Variants in MEOX2 observed in about 807,000 individuals in gnomAD.
MEOX2 encodes mesenchyme homeobox 2.
MEOX2 carries 11 observed loss-of-function variants against 27.0 expected under a neutral mutation model. The observed-to-expected ratio is 0.41, with a 90% confidence interval of 0.26 to 0.68. The LOEUF is 0.68. Among genes scored for constraint, MEOX2 ranks in the 30% least tolerant of loss-of-function variants. MEOX2 has a pLI of 0.33. For missense variants in MEOX2, 436 were observed against 385.4 expected (o/e 1.13, Z -1.10); for synonymous variants, 189 against 155.4 (o/e 1.22, Z -1.61).
In MEOX2 at chr7:15,686,552, G is replaced by T; in HGVS notation, c.-150C>A. The T allele has an allele frequency of 1.4e-6, 1 of 717,930 alleles. No homozygotes were observed. Among genetic ancestry groups the T allele is most frequent in the Non-Finnish European group, 2.3e-6 (1 of 441,944 alleles). 44.5% of individuals were successfully genotyped at this position (717,930 alleles called of 1,614,324 possible). A position where few individuals can be genotyped will look rare whatever the true frequency, so the allele number is the denominator to read the frequency against. ...ACTTCTGCAGAGCTCGGATAATCCCGGTCCTGAGCCCCAGCGGCCAGTCTC... is the reference window on the plus strand; with the variant it reads ...ACTTCTGCAGAGCTCGGATAATCCCTGTCCTGAGCCCCAGCGGCCAGTCTC... On this transcript the variant is annotated 5_prime_UTR_variant, in exon 1 of 3. Coordinates refer to ENST00000262041, the MANE Select transcript of MEOX2 (RefSeq NM_005924.5).
Position 15,611,598 on chromosome 7 carries a change from A to T in MEOX2, c.*789T>A, listed in dbSNP as rs1781032307. The T allele has an allele frequency of 6.6e-6, 1 of 152,670 alleles. No individual in the cohort carries two copies. Among genetic ancestry groups the T allele is most frequent in the Non-Finnish European group, 1.5e-5 (1 of 68,044 alleles). The allele number at this position is 152,670 out of a possible 1,614,324, so 9.5% of individuals were successfully genotyped here. On this transcript the variant is annotated 3_prime_UTR_variant, in exon 3 of 3. Transcript: ENST00000262041. ...AGTTTTATAATAACGTATTAGCAGC[A>T]GTTGATAGTAAATGCAACATAAGAT...
chr7:15,650,062 G>T (rs1781712221), intron 1 of MEOX2, among the ~76,000 whole-genome samples: 2 of 152,032 alleles, frequency 1.3e-5, no homozygotes, highest in Admixed American at 6.6e-5. Context: ...ATAAATAGAG[G>T]TGGATCTCAG....
chr7:15,649,452 A>T (rs1456943818), intron 1 of MEOX2, among the ~76,000 whole-genome samples: 2 of 152,090 alleles, frequency 1.3e-5, no homozygotes, highest in East Asian at 3.9e-4. Flanking sequence ...GAAAAATCAC[A>T]TAAATTGAAG....
At chr7:15,620,565 A>T (rs1018741537) in intron 2 of MEOX2, among the ~76,000 whole-genome samples, 2 of 152,020 alleles carry the variant, frequency 1.3e-5, no homozygotes, top group African/African-American at 4.8e-5. Context: ...AAACAACAAC[A>T]ACAACAACAA....
chr7:15,656,171 C>T (rs1781817216), intron 1 of MEOX2, among the ~76,000 whole-genome samples: 1 of 151,692 alleles, frequency 6.6e-6, no homozygotes, highest in African/African-American at 2.4e-5. Flanking sequence ...CTCCTTCCTT[C>T]TTTTGATTAA....
At chr7:15,681,096 T>G (rs982051059) in intron 1 of MEOX2, 2 of 151,804 alleles carry the variant, frequency 1.3e-5, no homozygotes, top group African/African-American at 2.4e-5. Context: ...CAGATATTAT[T>G]TAAGAAATTC....
chr7:15,684,802 T>C (rs184283825), intron 1 of MEOX2, among the ~76,000 whole-genome samples: 1 of 152,364 alleles, frequency 6.6e-6, no homozygotes, highest in Non-Finnish European at 1.5e-5. Flanking sequence ...GGTTGCACTA[T>C]ACCCACGAAA....
intron 1 of MEOX2, among the ~76,000 whole-genome samples, chr7:15,664,278 G>A (rs1403274562): frequency 6.6e-6 from 1 of 152,086 alleles, no homozygotes. Context: ...TCTTCCCTTT[G>A]TGTTGTATTT....
In MEOX2 at chr7:15,670,674, C is replaced by T. The variant is rs1248884555; in HGVS notation, c.517+15212G>A. 3.3e-5 allele frequency among the ~76,000 whole-genome samples: 5 copies of T among 152,142 alleles called. No homozygotes were observed. The East Asian group carries it at 9.6e-4, about 29-fold the overall frequency. On this transcript the variant is annotated intron_variant, in intron 1 of 2. Coordinates refer to ENST00000262041, the MANE Select transcript of MEOX2 (RefSeq NM_005924.5). Reference sequence around the variant, plus strand: ...TTTAAATTTACATAGCAACATGTGGCTTTACATACCATACTACATGACATA... The same window carrying T: ...TTTAAATTTACATAGCAACATGTGGTTTTACATACCATACTACATGACATA...
rs1258983169 is a variant in MEOX2, at chr7:15,623,816, C to G, written c.690+2930G>C. Among the ~76,000 whole-genome samples, 8 of 152,362 alleles carry G rather than the reference C, an allele frequency of 5.3e-5. 1 individual carries two copies. In the South Asian group the frequency reaches 1.2e-3, roughly 24 times the overall value. ...TACATCATTCCTCTCCTGTGACATT[C>G]TACACTCATAACAATTGTGAATATT... On this transcript the variant is annotated intron_variant, in intron 2 of 2. Transcript: ENST00000262041.
intron 1 of MEOX2, among the ~76,000 whole-genome samples, chr7:15,658,721 A>G (rs1292227928): frequency 6.6e-6 from 1 of 152,176 alleles, no homozygotes; most frequent in African/African-American, 2.4e-5. Context: ...CTTATAAGAA[A>G]AGATGCAAGA....
rs183047655 is a variant in MEOX2 at position 15,648,601 on chromosome 7, A to G, written c.518-21683T>C. On this transcript the variant is annotated intron_variant, in intron 1 of 2. Coordinates refer to ENST00000262041, the MANE Select transcript of MEOX2 (RefSeq NM_005924.5). ...TGTCTCCACATTCCATAAAAATGCC[A>G]TGGTGCTTCAGGAAAAATACGGACC... Among the ~76,000 whole-genome samples, 9 of 152,174 alleles carry G rather than the reference A, an allele frequency of 5.9e-5. No homozygotes were observed. The East Asian group carries it at 1.4e-3, about 23-fold the overall frequency.
chr7:15,671,568 T>C (rs1185775163), intron 1 of MEOX2, among the ~76,000 whole-genome samples: 1 of 152,142 alleles, frequency 6.6e-6, no homozygotes, highest in Non-Finnish European at 1.5e-5. Flanking sequence ...TCACTATCAT[T>C]TCTCCTTCCT....
At chr7:15,615,359 T>G (rs1583734920) in intron 2 of MEOX2, among the ~76,000 whole-genome samples, 4 of 152,078 alleles carry the variant, frequency 2.6e-5, no homozygotes, top group Middle Eastern at 3.4e-3. Context: ...TGGGTTTTGT[T>G]TTTGGTTTTT....
rs1583803092 is a variant in MEOX2 at position 15,686,492 on chromosome 7, A to T, written c.-90T>A. ...TCACTTTTTCACTGGAAACCGTGTG[A>T]TTTTTTTTTTAACCTCCCAAAGCAA... On this transcript the variant is annotated 5_prime_UTR_variant, in exon 1 of 3. Coordinates refer to ENST00000262041, the MANE Select transcript of MEOX2 (RefSeq NM_005924.5). 5 of 1,030,584 alleles carry T rather than the reference A, an allele frequency of 4.9e-6. No homozygotes were observed. Among genetic ancestry groups the T allele is most frequent in the Non-Finnish European group, 6.9e-6 (5 of 726,942 alleles). The allele number at this position is 1,030,584 out of a possible 1,614,324, so 63.8% of individuals were successfully genotyped here.
At chr7:15,648,080 A>G (rs1781677939) in intron 1 of MEOX2, among the ~76,000 whole-genome samples, 1 of 152,122 alleles carries the variant, frequency 6.6e-6, no homozygotes, top group Admixed American at 6.6e-5. Context: ...CATAGCATGC[A>G]AATACGTCCT....
chr7:15,619,374 T>A (rs1005829388), intron 2 of MEOX2, among the ~76,000 whole-genome samples: 1 of 152,022 alleles, frequency 6.6e-6, no homozygotes, highest in Non-Finnish European at 1.5e-5. Flanking sequence ...GTATGATATG[T>A]TCCCTAACAT....
intron 1 of MEOX2, among the ~76,000 whole-genome samples, chr7:15,645,385 G>A (rs143189160): frequency 1.3e-5 from 2 of 152,260 alleles, no homozygotes; most frequent in African/African-American, 4.8e-5. Context: ...CTAAAGCATT[G>A]AGAAAAGATA....
At chr7:15,681,602 A>C (rs1041366195) in intron 1 of MEOX2, 3 of 151,816 alleles carry the variant, frequency 2.0e-5, no homozygotes, top group Admixed American at 6.6e-5. Context: ...TAGGATGTTT[A>C]GATTTTATTA....
Sources: gnomAD v4.1 joint callset for allele counts (sites outside exome capture counted in the v4.1 genomes callset) on GRCh38, gnomAD v4.1.1 for gene constraint, MANE v1.5 for transcripts, NCBI Gene and HGNC (gene_info 2026-07-23, HGNC 2026-07-21) for gene names.